The following COL6A6 variants were observed in gnomAD, a reference collection of about 807,000 sequenced individuals.
The protein encoded by COL6A6 is collagen type VI alpha 6 chain, also known as collagen alpha-6(VI) chain.
In COL6A6, 183 loss-of-function variants were observed where a neutral mutation model predicts 208.6. The ratio of observed to expected loss-of-function variants is 0.88; its 90% confidence interval spans 0.78 to 0.99. COL6A6 has a LOEUF of 0.99. Ranked by LOEUF, COL6A6 falls within the 50% of genes least tolerant of loss-of-function variation. The pLI is 0.00. For synonymous variants in COL6A6, 973 were observed against 1,011.8 expected, an observed-to-expected ratio of 0.96 and a Z score of 0.73; for missense variants, 2,816 against 2,815.2, an observed-to-expected ratio of 1.00 and a Z score of -0.01.
intron 1 of COL6A6, among the ~76,000 whole-genome samples, chr3:130,517,870 CT>C (rs1462170606): frequency 6.6e-6 from 1 of 152,218 alleles, no homozygotes; most frequent in African/African-American, 2.4e-5. Flanking sequence ...TGTTCTTGCA[CT>C]TCACACAAAT....
At chr3:130,663,508 C>T (rs770802829) in intron 35 of COL6A6, among the ~76,000 whole-genome samples, 1 of 151,980 alleles carries the variant, frequency 6.6e-6, no homozygotes, top group African/African-American at 2.4e-5. Flanking sequence ...AGGAAAAAAA[C>T]GGGGATGGGG....
At chr3:130,530,405 C>T (rs548568896) in intron 1 of COL6A6, among the ~76,000 whole-genome samples, 1 of 152,184 alleles carries the variant, frequency 6.6e-6, no homozygotes, top group Non-Finnish European at 1.5e-5. Context: ...TTCTGTACCT[C>T]AGCATTCTCA....
intron 26 of COL6A6, among the ~76,000 whole-genome samples, chr3:130,634,252 A>T (rs1194984909): frequency 5.1e-5 from 3 of 59,150 alleles, no homozygotes; most frequent in African/African-American, 5.0e-4. Flanking sequence ...TAAAAAAAAA[A>T]AAAAAAAAAA....
intron 1 of COL6A6, among the ~76,000 whole-genome samples, chr3:130,522,813 T>C (rs981716935): frequency 5.3e-5 from 8 of 151,910 alleles, no homozygotes; most frequent in African/African-American, 1.9e-4. Context: ...AAATTTAATT[T>C]CCTAACAATC....
chr3:130,598,346 C>G lies in COL6A6; in HGVS notation c.4534-19C>G, dbSNP rs2063907198. The G allele has an allele frequency of 6.7e-7, 1 of 1,499,406 alleles. No homozygotes were observed. The highest frequency in any genetic ancestry group is 2.5e-5 in the East Asian group (1 of 40,626). The allele number at this position is 1,499,406 out of a possible 1,614,324, so 92.9% of individuals were successfully genotyped here. On this transcript the variant is annotated intron_variant, in intron 18 of 36. Coordinates refer to ENST00000358511, the MANE Select transcript of COL6A6 (RefSeq NM_001102608.3). Reference sequence around the variant, plus strand: ...AATGTCCAAATATATTAATTTTTCTCTTTATTTTCTATTTTTAGGGAGCTC... The same window carrying G: ...AATGTCCAAATATATTAATTTTTCTGTTTATTTTCTATTTTTAGGGAGCTC...
intron 8 of COL6A6, among the ~76,000 whole-genome samples, chr3:130,576,675 T>G (rs919078902): frequency 2.2e-5 from 3 of 137,162 alleles, no homozygotes; most frequent in South Asian, 2.4e-4. Flanking sequence ...CAAAAAAAAA[T>G]AAGAAAAATA....
At chr3:130,603,374 C>T (rs2064083152) in intron 20 of COL6A6, among the ~76,000 whole-genome samples, 1 of 152,124 alleles carries the variant, frequency 6.6e-6, no homozygotes, top group Admixed American at 6.5e-5. Context: ...GTACTAAATC[C>T]CCCCTTTCCT....
intron 1 of COL6A6, among the ~76,000 whole-genome samples, chr3:130,529,089 C>T (rs758326803): frequency 9.9e-5 from 15 of 152,076 alleles, no homozygotes; most frequent in Non-Finnish European, 2.2e-4. Flanking sequence ...CCAGGTGATG[C>T]CAAGGTGCAG....
intron 7 of COL6A6, among the ~76,000 whole-genome samples, chr3:130,573,331 G>A (rs180746094): frequency 2.0e-5 from 3 of 152,274 alleles, no homozygotes; most frequent in Admixed American, 2.0e-4. Context: ...GGTTGTAGAT[G>A]AGAACAAGTT....
Position 130,568,425 on chromosome 3 carries a change from C to T in COL6A6, c.2222C>T (p.Pro741Leu), listed in dbSNP as rs1408694323. Residue 741 changes from proline to leucine, a missense_variant, in exon 6 of 37, where the codon CCA (proline) becomes CTA (leucine). Pro to Leu is a moderately conservative substitution (Grantham distance 98, BLOSUM62 -3). Coordinates refer to ENST00000358511, the MANE Select transcript of COL6A6 (RefSeq NM_001102608.3). ...DGEAQDIVKE[P>L]AVVLRQEGVI... Reference sequence around the variant, plus strand: ...GAAGCTCAGGACATAGTAAAGGAACCAGCAGTAGTGCTTCGGCAAGAAGGT... The same window carrying T: ...GAAGCTCAGGACATAGTAAAGGAACTAGCAGTAGTGCTTCGGCAAGAAGGT... The T allele has an allele frequency of 6.2e-7, 1 of 1,613,974 alleles. No homozygotes were observed. Among genetic ancestry groups the T allele is most frequent in the Admixed American group, 1.7e-5 (1 of 60,028 alleles).
chr3:130,563,474 C>G lies in COL6A6; in HGVS notation c.471C>G (p.Asp157Glu), dbSNP rs748065583. Residue 157 changes from aspartate (D) to glutamate (E), a missense_variant, in exon 3 of 37, where the codon GAC becomes GAG. Transcript: ENST00000358511. ...VEEASKALRK[D>E]GVKIISVGVQ... Reference sequence around the variant, plus strand: ...AGGCATCAAAGGCCCTGCGGAAAGACGGAGTGAAAATCATCTCTGTAGGGG... The same window carrying G: ...AGGCATCAAAGGCCCTGCGGAAAGAGGGAGTGAAAATCATCTCTGTAGGGG... The G allele has an allele frequency of 1.9e-6, 3 of 1,613,878 alleles. No individual in the cohort carries two copies. In the African/African-American group the frequency reaches 4.0e-5, roughly 22 times the overall value.
chr3:130,568,482 C>A lies in COL6A6; in HGVS notation c.2279C>A (p.Ser760Tyr). 1 of 1,613,760 alleles carries A rather than the reference C, an allele frequency of 6.2e-7. No individual in the cohort carries two copies. Among genetic ancestry groups the A allele is most frequent in the South Asian group, 1.1e-5 (1 of 91,066 alleles). Residue 760 changes from serine (S) to tyrosine (Y), a missense_variant, in exon 6 of 37, where the codon TCC (serine) becomes TAC (tyrosine). By Grantham distance (144) the Ser-to-Tyr change is moderately radical. Transcript: ENST00000358511. ...ATCTATTCTGTGGGAGTGTTTGGCTCCAATGTCACCCAGCTTGAGGAGATC... is the reference window on the plus strand; with the variant it reads ...ATCTATTCTGTGGGAGTGTTTGGCTACAATGTCACCCAGCTTGAGGAGATC... ...VIIYSVGVFG[S>Y]NVTQLEEISG...
Position 130,665,063 on chromosome 3 carries a change from T to C in COL6A6, c.6563T>C (p.Ile2188Thr). The change falls in exon 36 of 37, where the codon ATA (isoleucine) becomes ACA (threonine). Residue 2188 changes from isoleucine to threonine, a missense_variant. Transcript: ENST00000358511. ...LKIKCNRLNS[I>T]DPKQPPRPFR... ...ATAAAGTGCAACAGACTTAACTCTA[T>C]AGATCCAAAGCAGCCCCCACGACCA... The C allele has an allele frequency of 1.9e-6, 3 of 1,611,044 alleles. No homozygotes were observed. The highest frequency in any genetic ancestry group is 2.5e-6 in the Non-Finnish European group (3 of 1,178,574).
intron 1 of COL6A6, among the ~76,000 whole-genome samples, chr3:130,552,029 G>A (rs2062654039): frequency 6.6e-6 from 1 of 152,036 alleles, no homozygotes; most frequent in Non-Finnish European, 1.5e-5. Context: ...TGGTTGGTGT[G>A]ATTTTAGTTT....
chr3:130,541,663 T>C (rs116415855), intron 1 of COL6A6, among the ~76,000 whole-genome samples: 2,564 of 152,322 alleles, frequency 0.017, 69 homozygotes, highest in African/African-American at 0.056. Flanking sequence ...TTTGTAGTGG[T>C]ACCTTGTTTT....
intron 24 of COL6A6, among the ~76,000 whole-genome samples, chr3:130,625,317 G>T (rs2064853058): frequency 6.6e-6 from 1 of 152,140 alleles, no homozygotes; most frequent in African/African-American, 2.4e-5. Flanking sequence ...AAGATGTGAT[G>T]ATTCCCCACC....
intron 2 of COL6A6, among the ~76,000 whole-genome samples, chr3:130,561,297 AC>A (rs1362791696): frequency 1.3e-5 from 2 of 152,230 alleles, no homozygotes; most frequent in African/African-American, 4.8e-5. Flanking sequence ...GGCAGTCTTC[AC>A]AGGGTTTCAG....
chr3:130,523,367 T>C (rs1239729189), intron 1 of COL6A6, among the ~76,000 whole-genome samples: 3 of 152,140 alleles, frequency 2.0e-5, no homozygotes, highest in African/African-American at 7.2e-5. Flanking sequence ...CACTAAAAGC[T>C]CTATTTCTTA....
intron 32 of COL6A6, among the ~76,000 whole-genome samples, chr3:130,646,955 C>G (rs983773971): frequency 3.9e-5 from 6 of 152,128 alleles, no homozygotes; most frequent in Non-Finnish European, 7.3e-5. Context: ...TTAGAGAGGA[C>G]TGTAGTATTC....
Sources: gnomAD v4.1 joint callset for allele counts (sites outside exome capture counted in the v4.1 genomes callset) on GRCh38, gnomAD v4.1.1 for gene constraint, MANE v1.5 for transcripts, NCBI Gene and HGNC (gene_info 2026-07-23, HGNC 2026-07-21) for gene names.